The following FAM135B variants were observed in gnomAD, a reference collection of about 807,000 sequenced individuals.
FAM135B encodes the protein family with sequence similarity 135 member B.
In FAM135B, 43 loss-of-function variants were observed where a neutral mutation model predicts 127.7. That is an observed-to-expected ratio of 0.34 (90% CI 0.26 to 0.43). FAM135B has a LOEUF of 0.43. FAM135B is among the 20% of genes least tolerant of loss of function. The pLI, the probability that FAM135B is intolerant of heterozygous loss-of-function variation, is 1.00. For synonymous variants in FAM135B, 670 were observed against 665.1 expected (o/e 1.01, Z -0.11); for missense variants, 1,558 against 1,725.6 (o/e 0.90, Z 1.72).
At chr8:138,283,332 T>C (rs930488565) in intron 3 of FAM135B, among the ~76,000 whole-genome samples, 5 of 152,078 alleles carry the variant, frequency 3.3e-5, no homozygotes, top group African/African-American at 1.2e-4. Context: ...TAAATACTTA[T>C]TACTAATTGA....
rs184672568 is a variant in FAM135B at position 138,228,624 on chromosome 8, C to T, written c.669+14318G>A. ...CAGGCTGAGCTGAACGACAGATTCCCCTGAGCCGGCTTACTGGGAGTGTAT... is the reference window on the plus strand; with the variant it reads ...CAGGCTGAGCTGAACGACAGATTCCTCTGAGCCGGCTTACTGGGAGTGTAT... On this transcript the variant is annotated intron_variant, in intron 7 of 19. Transcript: ENST00000395297. Among the ~76,000 whole-genome samples, 544 of 152,218 alleles carry T rather than the reference C, an allele frequency of 3.6e-3. 2 individuals are homozygous for T. Among genetic ancestry groups the T allele is most frequent in the Non-Finnish European group, 5.8e-3 (394 of 68,014 alleles).
chr8:138,412,334 C>T (rs73432162), intron 1 of FAM135B, among the ~76,000 whole-genome samples: 7,239 of 152,264 alleles, frequency 0.048, 294 homozygotes, highest in East Asian at 0.2. Context: ...GCAGATAATC[C>T]AGCTAAGTCA....
chr8:138,195,845 C>G (rs1394997677), intron 8 of FAM135B, among the ~76,000 whole-genome samples: 1 of 152,208 alleles, frequency 6.6e-6, no homozygotes, highest in African/African-American at 2.4e-5. Flanking sequence ...TTTTAATGGT[C>G]ACAGTTGTGA....
chr8:138,338,948 A>G (rs1464021725), intron 2 of FAM135B, among the ~76,000 whole-genome samples: 1 of 152,082 alleles, frequency 6.6e-6, no homozygotes, highest in Non-Finnish European at 1.5e-5. Flanking sequence ...TGATGAGTTC[A>G]TGTCCTTTGT....
At chr8:138,269,562 A>G (rs1443084781) in intron 3 of FAM135B, among the ~76,000 whole-genome samples, 2 of 152,218 alleles carry the variant, frequency 1.3e-5, no homozygotes, top group Non-Finnish European at 1.5e-5. Flanking sequence ...CTTCCAACAT[A>G]TTAGAGCCAA....
chr8:138,485,511 A>G (rs1314147133), intron 1 of FAM135B, among the ~76,000 whole-genome samples: 1 of 152,252 alleles, frequency 6.6e-6, no homozygotes, highest in Non-Finnish European at 1.5e-5. Context: ...AAGTATTACA[A>G]TAGAAGCTGT....
At chr8:138,193,667 G>A (rs1278279031) in intron 9 of FAM135B, among the ~76,000 whole-genome samples, 1 of 152,198 alleles carries the variant, frequency 6.6e-6, no homozygotes, top group African/African-American at 2.4e-5. Context: ...GCCCTCAGGG[G>A]ATGGAGCCTG....
At chr8:138,412,603 T>C (rs369886622) in intron 1 of FAM135B, among the ~76,000 whole-genome samples, 1 of 152,226 alleles carries the variant, frequency 6.6e-6, no homozygotes, top group African/African-American at 2.4e-5. Context: ...TCTTATATTG[T>C]ACCTGTCTCC....
chr8:138,160,248 G>A (rs13280336), intron 12 of FAM135B, among the ~76,000 whole-genome samples: 103,125 of 151,514 alleles, frequency 0.68, 35,126 homozygotes, highest in East Asian at 0.76. Flanking sequence ...AATTTATGAC[G>A]CTTTCCTGAG....
intron 16 of FAM135B, among the ~76,000 whole-genome samples, chr8:138,142,285 C>CTTTT (rs1166235927): frequency 1.0e-5 from 1 of 99,934 alleles, no homozygotes; most frequent in Non-Finnish European, 2.0e-5. Context: ...CATTCTGCTT[C>CTTTT]TTCTTTTTTT....
Position 138,265,811 on chromosome 8 carries a change from A to G in FAM135B, c.189T>C (p.His63=), listed in dbSNP as rs1421727162. Reference sequence around the variant, plus strand: ...AGACCCGGCTGTGCACGGTGCTGTCATGGACACAGGCTGAATGCAGGCTGC... The same window carrying G: ...AGACCCGGCTGTGCACGGTGCTGTCGTGGACACAGGCTGAATGCAGGCTGC... ...ESSSLHSACV[H]DSTVHSRVFQ... is the part of the protein sequence containing the mutation. The change falls in exon 4 of 20, where the codon CAT becomes CAC. Residue 63 remains histidine (H), a synonymous_variant. Coordinates refer to ENST00000395297, the MANE Select transcript of FAM135B (RefSeq NM_015912.4). The G allele has an allele frequency of 3.2e-5, 52 of 1,613,868 alleles. No individual in the cohort carries two copies. The highest frequency in any genetic ancestry group is 4.4e-5 in the Non-Finnish European group (52 of 1,179,978).
intron 2 of FAM135B, among the ~76,000 whole-genome samples, chr8:138,316,837 G>C (rs142861193): frequency 6.6e-6 from 1 of 151,768 alleles, no homozygotes; most frequent in Non-Finnish European, 1.5e-5. Context: ...AAAGTAAGCC[G>C]GGCGTGGTGG....
At chr8:138,216,010 TAACA>T (rs1188557785) in intron 7 of FAM135B, among the ~76,000 whole-genome samples, 1 of 152,140 alleles carries the variant, frequency 6.6e-6, no homozygotes, top group Non-Finnish European at 1.5e-5. Flanking sequence ...TCATTTCCAA[TAACA>T]AATACCAGAA....
chr8:138,341,045 G>T (rs1829012626), intron 2 of FAM135B, among the ~76,000 whole-genome samples: 1 of 152,168 alleles, frequency 6.6e-6, no homozygotes, highest in African/African-American at 2.4e-5. Flanking sequence ...AAGTACTCAA[G>T]AATTGTTTAG....
chr8:138,138,497 A>G (rs528583794), intron 18 of FAM135B, among the ~76,000 whole-genome samples: 3 of 152,226 alleles, frequency 2.0e-5, no homozygotes, highest in Non-Finnish European at 2.9e-5. Context: ...GGACATTCCC[A>G]TGTAGCAGGT....
Position 138,156,023 on chromosome 8 carries a change from C to T in FAM135B, c.1259-2807G>A, listed in dbSNP as rs4592093. 4.1e-3 allele frequency among the ~76,000 whole-genome samples: 620 copies of T among 152,220 alleles called. 5 individuals carry two copies. Among genetic ancestry groups the T allele is most frequent in the African/African-American group, 0.014 (597 of 41,540 alleles). On this transcript the variant is annotated intron_variant, in intron 12 of 19. Coordinates refer to ENST00000395297, the MANE Select transcript of FAM135B (RefSeq NM_015912.4). ...TCTCAGCACTACATCACACTTATTC[C>T]AAAACTGACCAAATAGATGGAAGTA... is the stretch of plus-strand genomic sequence containing the variant.
intron 6 of FAM135B, among the ~76,000 whole-genome samples, chr8:138,244,691 G>A (rs578069081): frequency 2.0e-5 from 3 of 152,326 alleles, no homozygotes; most frequent in African/African-American, 7.2e-5. Flanking sequence ...CAGAAGAAAA[G>A]TATAAAGTGT....
intron 1 of FAM135B, among the ~76,000 whole-genome samples, chr8:138,393,131 T>A (rs1832674398): frequency 6.6e-6 from 1 of 152,142 alleles, no homozygotes; most frequent in Non-Finnish European, 1.5e-5. Flanking sequence ...TGAGACTTAC[T>A]ATCACCAGAA....
intron 12 of FAM135B, among the ~76,000 whole-genome samples, chr8:138,161,178 A>G (rs1434039337): frequency 1.3e-5 from 2 of 152,196 alleles, no homozygotes; most frequent in African/African-American, 2.4e-5. Context: ...CTTGAATTCT[A>G]TTCAGAGAAA....
Sources: gnomAD v4.1 joint callset for allele counts (sites outside exome capture counted in the v4.1 genomes callset) on GRCh38, gnomAD v4.1.1 for gene constraint, MANE v1.5 for transcripts, NCBI Gene and HGNC (gene_info 2026-07-23, HGNC 2026-07-21) for gene names.